The following ABCA6 variants were observed in gnomAD, a reference collection of about 807,000 sequenced individuals.
ABCA6 encodes the protein ATP-binding cassette sub-family A member 6.
A neutral mutation model predicts 191.2 loss-of-function variants in ABCA6; 164 were observed. The ratio of observed to expected loss-of-function variants is 0.86; its 90% CI spans 0.76 to 0.98. The LOEUF (loss-of-function observed/expected upper bound fraction) is 0.98, where lower values mean the gene tolerates loss of function less well. Ranked by LOEUF, ABCA6 falls within the 50% of genes least tolerant of loss-of-function variation. The probability of loss-of-function intolerance (pLI) is 0.00; values close to 1 mark genes in which losing one functional copy is unlikely to be tolerated. For synonymous variants in ABCA6, 636 were observed against 647.7 expected, an observed-to-expected ratio of 0.98 and a Z score of 0.27; for missense variants, 1,958 against 1,894.1, an observed-to-expected ratio of 1.03 and a Z score of -0.63.
In ABCA6 at chr17:69,078,821, G is replaced by A; in HGVS notation, c.*152C>T. The A allele has an allele frequency of 4.0e-6, 2 of 503,060 alleles. No homozygotes were observed. The highest frequency in any genetic ancestry group is 6.8e-6 in the Non-Finnish European group (2 of 295,874). 31.2% of individuals were successfully genotyped at this position (503,060 alleles called of 1,614,324 possible). The stretch of plus-strand genomic sequence containing the variant: ...CTATCACCCCTATGTTTGAGAGGAA[G>A]AATAATTTTAAAATTTATGTATTTG... On this transcript the variant is annotated 3_prime_UTR_variant, in exon 39 of 39. Transcript: ENST00000284425.
chr17:69,129,575 A>G (rs1401383259), intron 7 of ABCA6, 35 bp downstream of exon 7: 4 of 1,536,492 alleles, frequency 2.6e-6, no homozygotes, highest in Non-Finnish European at 3.5e-6. Context: ...CTAAGATCTA[A>G]AGCAGAGAAA....
chr17:69,084,242 G>A lies in ABCA6; in HGVS notation c.4355+19C>T, dbSNP rs572590640. The stretch of plus-strand genomic sequence containing the variant: ...CCCTAATGTGCATGCTCGCAGCTCT[G>A]GGGTATAATGATGCTCACCACATTT... On this transcript the variant is annotated intron_variant, in intron 34 of 38. Coordinates refer to ENST00000284425, the MANE Select transcript of ABCA6 (RefSeq NM_080284.3). 18 of 1,611,582 alleles carry A rather than the reference G, an allele frequency of 1.1e-5. No homozygotes were observed. The highest frequency in any genetic ancestry group is 1.1e-4 in the South Asian group (10 of 91,014).
intron 17 of ABCA6, chr17:69,109,309 G>A (rs1473587300): frequency 6.6e-6 from 1 of 152,052 alleles, no homozygotes; most frequent in East Asian, 1.9e-4. Context: ...GAACAGTTGT[G>A]AGAACTAAAG....
rs1282418982 is a variant in ABCA6, at chr17:69,096,755, G to A, written c.3167C>T (p.Ala1056Val). The stretch of plus-strand genomic sequence containing the variant: ...CACTAGTGCCTGCCCACACCAGTAA[G>A]CAGAAGTGTAGAGGCCTGAAATCCA... Reference protein sequence around the residue: ...QLWISGLYTSAYWCGQALVDV... With the variant: ...QLWISGLYTSVYWCGQALVDV... The change falls in exon 24 of 39, where the codon GCT becomes GTT. Residue 1056 changes from alanine to valine, a missense_variant. Ala to Val is a moderately conservative substitution (Grantham distance 64). Coordinates refer to ENST00000284425, the MANE Select transcript of ABCA6 (RefSeq NM_080284.3). 1.3e-5 allele frequency: 20 copies of A among 1,578,880 alleles called. No individual in the cohort carries two copies. Among genetic ancestry groups the A allele is most frequent in the Non-Finnish European group, 1.7e-5 (20 of 1,167,718 alleles).
intron 3 of ABCA6, 104 bp from the exon 4 acceptor site, chr17:69,136,354 T>A: frequency 1.1e-6 from 1 of 935,394 alleles, no homozygotes; most frequent in African/African-American, 1.7e-5. Flanking sequence ...TAGACTTAAA[T>A]TAAAATCATT....
intron 8 of ABCA6, among the ~76,000 whole-genome samples, chr17:69,127,160 A>C (rs1039849700): frequency 6.6e-6 from 1 of 152,216 alleles, no homozygotes; most frequent in African/African-American, 2.4e-5. Flanking sequence ...GTGGATTTTT[A>C]TCTTAATGTA....
intron 8 of ABCA6, among the ~76,000 whole-genome samples, chr17:69,128,007 CTT>C (rs2073784474): frequency 6.6e-6 from 1 of 152,036 alleles, no homozygotes; most frequent in African/African-American, 2.4e-5. Flanking sequence ...CAAAAATACA[CTT>C]TGTGCAACAT....
intron 2 of ABCA6, among the ~76,000 whole-genome samples, chr17:69,139,750 T>C (rs1409848452): frequency 3.9e-5 from 6 of 152,110 alleles, no homozygotes; most frequent in Non-Finnish European, 5.9e-5. Flanking sequence ...ATATACACCA[T>C]GGAATACTAT....
intron 8 of ABCA6, among the ~76,000 whole-genome samples, chr17:69,127,275 A>C (rs2073771845): frequency 6.6e-6 from 1 of 152,158 alleles, no homozygotes; most frequent in Non-Finnish European, 1.5e-5. Flanking sequence ...AGCATTCTAC[A>C]TAAAAGAGAA....
Position 69,106,199 on chromosome 17 carries a change from A to G in ABCA6, c.2402T>C (p.Val801Ala). 1 of 1,611,434 alleles carries G rather than the reference A, an allele frequency of 6.2e-7. No homozygotes were observed. ...GCTTTCTGAGTCTCTTATCATCTCC[A>G]CTTGTTCGAAATCTATAAACACACA... ...QSTIEQDFEQ[V>A]EMIRDSESLN... is the part of the protein sequence containing the mutation. The change falls in exon 19 of 39, where the codon GTG (valine) becomes GCG (alanine). Residue 801 changes from valine (V) to alanine (A), a missense_variant. Physicochemically the swap from Val to Ala is moderately conservative, Grantham distance 64. Transcript: ENST00000284425.
intron 2 of ABCA6, among the ~76,000 whole-genome samples, chr17:69,138,200 G>A (rs369774556): frequency 6.6e-6 from 1 of 152,112 alleles, no homozygotes; most frequent in Non-Finnish European, 1.5e-5. Flanking sequence ...TGGTGGCAGA[G>A]GTCCTGGATG....
At position 69,115,386 on chromosome 17, in the gene ABCA6, AAC is replaced by A. The variant is rs2073517935; in HGVS notation, c.1594_1595del (p.Val532SerfsTer10). ...SLLNILNGLS[V>X]PTEGSVTIYN... ...TTTCTTTTTACTCACCTTCTGTTGG[AAC>A]AGACAATCCATTAAGAATATTTAGC... On this transcript the variant is annotated frameshift_variant, in exon 12 of 39. Coordinates refer to ENST00000284425, the MANE Select transcript of ABCA6 (RefSeq NM_080284.3). LOFTEE classifies it high-confidence loss of function. 3 of 1,607,790 alleles carry A rather than the reference AAC, an allele frequency of 1.9e-6. No individual in the cohort carries two copies. In the South Asian group the frequency reaches 3.3e-5, roughly 18 times the overall value.
rs750282619 is a variant in ABCA6 at position 69,129,625 on chromosome 17, TAAAAAA to T, written c.912_917del (p.Phe304_Phe305del). 5 of 1,592,050 alleles carry T rather than the reference TAAAAAA, an allele frequency of 3.1e-6. No individual in the cohort carries two copies. Among genetic ancestry groups the T allele is most frequent in the Non-Finnish European group, 4.3e-6 (5 of 1,169,364 alleles). On this transcript the variant is annotated inframe_deletion, in exon 7 of 39. Transcript: ENST00000284425. ...ATCAACTTACCAAAGATAAGCCATATAAAAAAAAGAGTATAAATATGACCATGAAGC... is the reference window on the plus strand; with the variant it reads ...ATCAACTTACCAAAGATAAGCCATATAAGAGTATAAATATGACCATGAAGC...
chr17:69,125,658 G>T (rs2073737733), intron 8 of ABCA6, among the ~76,000 whole-genome samples: 1 of 152,066 alleles, frequency 6.6e-6, no homozygotes, highest in South Asian at 2.1e-4. Context: ...TTAGAACAAA[G>T]AAAGTCTTAC....
chr17:69,088,139 T>C, intron 28 of ABCA6, 28 bp downstream of exon 28: 1 of 1,553,078 alleles, frequency 6.4e-7, no homozygotes. Context: ...AATATGATAT[T>C]AAGTATAAAG....
chr17:69,107,620 T>A, intron 18 of ABCA6, 76 bp downstream of exon 18: 1 of 1,034,338 alleles, frequency 9.7e-7, no homozygotes, highest in Non-Finnish European at 1.5e-6. Context: ...GAATCACCCA[T>A]AAGAAATTAT....
intron 17 of ABCA6, 30 bp from the exon 18 acceptor site, chr17:69,107,842 T>A (rs1246587119): frequency 7.6e-7 from 1 of 1,315,492 alleles, no homozygotes; most frequent in Non-Finnish European, 1.1e-6. Flanking sequence ...ATAGATACTT[T>A]GGAAAACCAC....
intron 25 of ABCA6, 54 bp from the exon 26 acceptor site, chr17:69,091,316 T>C: frequency 6.3e-7 from 1 of 1,582,610 alleles, no homozygotes; most frequent in South Asian, 1.1e-5. Flanking sequence ...CATTGATATT[T>C]TGTAAAACAT....
intron 26 of ABCA6, 25 bp from the exon 27 acceptor site, chr17:69,089,567 A>T: frequency 6.4e-7 from 1 of 1,551,504 alleles, no homozygotes; most frequent in Non-Finnish European, 8.9e-7. Flanking sequence ...CAAAACACAC[A>T]CACACTAATG....
Sources: allele counts gnomAD v4.1 joint callset (sites outside exome capture counted in the v4.1 genomes callset), GRCh38; gene constraint gnomAD v4.1.1; transcripts MANE v1.5; gene names NCBI Gene and HGNC (gene_info 2026-07-23, HGNC 2026-07-21).